Variants in ZNF362 observed in about 807,000 individuals in gnomAD.
ZNF362 encodes rotund homolog.
Under a neutral mutation model 42.9 loss-of-function variants are expected in ZNF362, and 11 were observed. That is an observed-to-expected ratio of 0.26 (90% CI 0.16 to 0.42). The LOEUF (loss-of-function observed/expected upper bound fraction) is 0.42. Among genes scored for constraint, ZNF362 ranks in the 20% least tolerant of loss-of-function variants. ZNF362 has a pLI of 1.00. For synonymous variants in ZNF362, 255 were observed against 257.3 expected, an observed-to-expected ratio of 0.99 and a Z score of 0.09; for missense variants, 362 against 576.2, an observed-to-expected ratio of 0.63 and a Z score of 3.81.
chr1:33,257,610 G>A (rs4132073), intron 1 of ZNF362, among the ~76,000 whole-genome samples: 101,799 of 151,358 alleles, frequency 0.67, 34,460 homozygotes, highest in East Asian at 0.76. Context: ...GGGGGAACTG[G>A]GAAACATTTA....
chr1:33,219,905 A>AC, the ZNF362 span, among the ~76,000 whole-genome samples: 1 of 151,816 alleles, frequency 6.6e-6, no homozygotes, highest in Non-Finnish European at 1.5e-5. Flanking sequence ...CCTCCTTGCT[A>AC]CCCCAACTCC....
At chr1:33,276,709 G>A (rs1645952601) in intron 4 of ZNF362, 115 bp downstream of exon 4, 2 of 1,227,894 alleles carry the variant, frequency 1.6e-6, no homozygotes, top group South Asian at 4.8e-5. Flanking sequence ...GGCGGGCAGG[G>A]CCTAGGGGTA....
the ZNF362 span, among the ~76,000 whole-genome samples, chr1:33,173,580 A>C: frequency 6.6e-6 from 1 of 151,476 alleles, no homozygotes; most frequent in East Asian, 1.9e-4. Flanking sequence ...ATGTGTGCTC[A>C]CCTCCATGCC....
intron 2 of ZNF362, among the ~76,000 whole-genome samples, chr1:33,272,986 A>G (rs1269146802): frequency 1.3e-5 from 2 of 152,204 alleles, no homozygotes; most frequent in East Asian, 3.8e-4. Flanking sequence ...TTCTGGCTTC[A>G]AGCCCCTCCC....
chr1:33,250,469 A>T, the ZNF362 span, among the ~76,000 whole-genome samples: 4 of 152,272 alleles, frequency 2.6e-5, no homozygotes, highest in African/African-American at 9.6e-5. Context: ...CGTTATCCTC[A>T]GCAAACTAAT....
At chr1:33,273,023 TG>T (rs762327415) in intron 2 of ZNF362, among the ~76,000 whole-genome samples, 9 of 152,266 alleles carry the variant, frequency 5.9e-5, no homozygotes, top group Non-Finnish European at 1.2e-4. Flanking sequence ...TGGCTTGGCC[TG>T]GCCCTGGCTG....
intron 2 of ZNF362, among the ~76,000 whole-genome samples, chr1:33,270,882 C>G (rs971266703): frequency 6.6e-6 from 1 of 152,184 alleles, no homozygotes; most frequent in African/African-American, 2.4e-5. Context: ...TTGGTGCTGT[C>G]TGTCCGCATG....
At chr1:33,182,023 T>C in the ZNF362 span, 1 of 152,932 alleles carries the variant, frequency 6.5e-6, no homozygotes, top group African/African-American at 2.4e-5. Context: ...ACCGCTTCGG[T>C]CCAGCGCAGC....
the ZNF362 span, among the ~76,000 whole-genome samples, chr1:33,244,296 T>C: frequency 6.6e-6 from 1 of 152,210 alleles, no homozygotes; most frequent in Non-Finnish European, 1.5e-5. This position sits in a 1 kb window ranked among gnomAD's most constrained non-coding sequence, Gnocchi z 4.0. Context: ...GCCTAGGGTT[T>C]TGACACTTTA....
the ZNF362 span, among the ~76,000 whole-genome samples, chr1:33,132,511 C>T: frequency 4.2e-3 from 639 of 152,320 alleles, 1 homozygote; most frequent in Non-Finnish European, 7.0e-3. Flanking sequence ...TCACTCCTTC[C>T]TTCCAGCAAG....
chr1:33,224,108 C>T, the ZNF362 span, among the ~76,000 whole-genome samples: 1 of 151,954 alleles, frequency 6.6e-6, no homozygotes, highest in Non-Finnish European at 1.5e-5. Context: ...TGCAAAGAGA[C>T]ATGAATTTAC....
rs1446847906 is a variant in ZNF362 at position 33,280,260 on chromosome 1, C to A, written c.486C>A (p.Thr162=). The stretch of plus-strand genomic sequence containing the variant: ...GCCGCCTCATCGCCTCGTCCCCCAC[C>A]CTCATCTCAGGGATCACCAGCCCCC... ...SQSRLIASSP[T]LISGITSPPL... Residue 162 remains threonine (T), a synonymous_variant, in exon 5 of 9, where the codon ACC becomes ACA. Transcript: ENST00000539719. The surrounding 1 kb of genome is among the most constrained non-coding windows in gnomAD (Gnocchi z 5.6). 1 of 1,614,080 alleles carries A rather than the reference C, an allele frequency of 6.2e-7. No individual in the cohort carries two copies. The highest frequency in any genetic ancestry group is 8.5e-7 in the Non-Finnish European group (1 of 1,179,938).
chr1:33,242,801 T>C, the ZNF362 span, among the ~76,000 whole-genome samples: 1 of 152,212 alleles, frequency 6.6e-6, no homozygotes, highest in African/African-American at 2.4e-5. Context: ...ACCAGAAAAA[T>C]GGGCAGTTGT....
At chr1:33,150,143 G>C in the ZNF362 span, among the ~76,000 whole-genome samples, 1 of 152,274 alleles carries the variant, frequency 6.6e-6, no homozygotes, top group Non-Finnish European at 1.5e-5. Flanking sequence ...TCCTTAGCCT[G>C]AATGACCATT....
the ZNF362 span, among the ~76,000 whole-genome samples, chr1:33,231,660 G>A: frequency 6.6e-6 from 1 of 152,154 alleles, no homozygotes; most frequent in Non-Finnish European, 1.5e-5. Flanking sequence ...TAGAGAGTGA[G>A]GTCAGTAAGG....
intron 6 of ZNF362, among the ~76,000 whole-genome samples, chr1:33,285,494 T>G (rs1240608064): frequency 6.6e-6 from 1 of 152,180 alleles, no homozygotes; most frequent in Non-Finnish European, 1.5e-5. Flanking sequence ...GCATTATCAC[T>G]AATTGTTTAG....
At chr1:33,160,063 T>C in the ZNF362 span, 1 of 1,312,350 alleles carries the variant, frequency 7.6e-7, no homozygotes, top group Non-Finnish European at 1.0e-6. Context: ...AGGGCACGCG[T>C]GGTGGGGGAA....
the ZNF362 span, among the ~76,000 whole-genome samples, chr1:33,201,477 T>C: frequency 6.6e-6 from 1 of 152,102 alleles, no homozygotes; most frequent in East Asian, 1.9e-4. Flanking sequence ...TAAAAGTCAA[T>C]AATGGAAAGA....
At chr1:33,162,337 C>G in the ZNF362 span, among the ~76,000 whole-genome samples, 2 of 152,216 alleles carry the variant, frequency 1.3e-5, no homozygotes, top group Non-Finnish European at 2.9e-5. Flanking sequence ...CTGGCAAACT[C>G]CTACTCATCC....
Sources: allele counts gnomAD v4.1 joint callset (sites outside exome capture counted in the v4.1 genomes callset), GRCh38; gene constraint gnomAD v4.1.1; non-coding constraint Gnocchi (gnomAD v3.1); transcripts MANE v1.5; gene names NCBI Gene and HGNC (gene_info 2026-07-23, HGNC 2026-07-21).